SEMA6A: variants seen among roughly 807,000 people sequenced by gnomAD.
SEMA6A encodes the protein semaphorin-6A.
SEMA6A carries 25 observed loss-of-function variants against 96.8 expected under a neutral mutation model. The ratio of observed to expected loss-of-function variants is 0.26; its 90% CI spans 0.19 to 0.36. SEMA6A has a LOEUF of 0.36. Ranked by LOEUF, SEMA6A falls within the 10% of genes least tolerant of loss-of-function variation. SEMA6A has a pLI of 1.00. For synonymous variants in SEMA6A, 612 were observed against 518.0 expected, an observed-to-expected ratio of 1.18 and a Z score of -2.46; for missense variants, 1,363 against 1,323.1, an observed-to-expected ratio of 1.03 and a Z score of -0.47.
At chr5:116,532,842 G>A (rs1423575898) in intron 1 of SEMA6A, among the ~76,000 whole-genome samples, 1 of 152,134 alleles carries the variant, frequency 6.6e-6, no homozygotes, top group Non-Finnish European at 1.5e-5. Flanking sequence ...CTCTGGATGT[G>A]GTTGCTCTGA....
rs1754142802 is a variant in SEMA6A at position 116,445,803 on chromosome 5, T to C, written c.*810A>G. The C allele has an allele frequency of 6.5e-6, 1 of 152,674 alleles. No individual in the cohort carries two copies. Among genetic ancestry groups the C allele is most frequent in the African/African-American group, 2.4e-5 (1 of 41,464 alleles). 9.5% of individuals were successfully genotyped at this position (152,674 alleles called of 1,614,324 possible). A position where few individuals can be genotyped will look rare whatever the true frequency, so the allele number is the denominator to read the frequency against. On this transcript the variant is annotated 3_prime_UTR_variant, in exon 19 of 19. Coordinates refer to ENST00000343348, the MANE Select transcript of SEMA6A (RefSeq NM_020796.5). Reference sequence around the variant, plus strand: ...AAAGAAACTCAATTATTCCAGTTAATGGATTTCACGTTAAATAGTTTAACT... The same window carrying C: ...AAAGAAACTCAATTATTCCAGTTAACGGATTTCACGTTAAATAGTTTAACT...
rs779988379 is a variant in SEMA6A at position 116,477,899 on chromosome 5, A to G, written c.1596T>C (p.Tyr532=). 2.4e-5 allele frequency: 39 copies of G among 1,613,902 alleles called. No homozygotes were observed. In the Admixed American group the frequency reaches 3.7e-4, roughly 15 times the overall value. The change falls in exon 15 of 19, where the codon TAT becomes TAC. Residue 532 remains tyrosine (Y), a synonymous_variant. Coordinates refer to ENST00000343348, the MANE Select transcript of SEMA6A (RefSeq NM_020796.5). ...CACCACCTTCCTTTATCCATCCACA[A>G]TATGGGTCTCTGGAGGCAATACAGG... ...KKTCIASRDP[Y]CGWIKEGGAC...
intron 1 of SEMA6A, among the ~76,000 whole-genome samples, chr5:116,538,004 G>A (rs939147617): frequency 6.6e-5 from 10 of 152,056 alleles, no homozygotes; most frequent in East Asian, 1.9e-4. Context: ...GTGAAACCTC[G>A]TCTCTACTAA....
intron 1 of SEMA6A, among the ~76,000 whole-genome samples, chr5:116,527,940 G>A (rs531717066): frequency 6.6e-6 from 1 of 152,268 alleles, no homozygotes; most frequent in East Asian, 1.9e-4. Context: ...GAACAAAGAT[G>A]CGAATTAGAG....
intron 18 of SEMA6A, among the ~76,000 whole-genome samples, chr5:116,457,567 T>C (rs931287427): frequency 6.6e-6 from 1 of 152,156 alleles, no homozygotes; most frequent in Non-Finnish European, 1.5e-5. Context: ...ATGAATCTCT[T>C]TACAAAGATA....
intron 1 of SEMA6A, among the ~76,000 whole-genome samples, chr5:116,533,257 CT>C (rs77196415): frequency 0.14 from 19,051 of 140,738 alleles, 1,810 homozygotes; most frequent in African/African-American, 0.28. Context: ...TTTGTTTTTC[CT>C]TTTTTTTTTT....
chr5:116,454,234 C>T (rs1284102166), intron 18 of SEMA6A, among the ~76,000 whole-genome samples: 2 of 152,070 alleles, frequency 1.3e-5, no homozygotes, highest in African/African-American at 2.4e-5. Flanking sequence ...CATCACTGAG[C>T]CAGAGAGGGT....
chr5:116,503,625 C>T (rs1276868183), intron 2 of SEMA6A, among the ~76,000 whole-genome samples: 2 of 152,020 alleles, frequency 1.3e-5, no homozygotes, highest in African/African-American at 4.8e-5. Flanking sequence ...TATTCCGCTG[C>T]CTCAGCCTCC....
intron 1 of SEMA6A, among the ~76,000 whole-genome samples, chr5:116,536,866 T>TAAAAAAAAAAAAAAAAAA (rs72214884): frequency 1.7e-4 from 12 of 69,514 alleles, no homozygotes; most frequent in Admixed American, 2.1e-4. Flanking sequence ...TGTGATTTCT[T>TAAAAAAAAAAAAAAAAAA]AAAAAAAAAA....
At chr5:116,568,210 G>A (rs1000327025) in intron 1 of SEMA6A, among the ~76,000 whole-genome samples, 18 of 152,120 alleles carry the variant, frequency 1.2e-4, no homozygotes, top group African/African-American at 3.9e-4. Context: ...TCCACAATGC[G>A]TGTAATATTT....
At chr5:116,470,177 G>C (rs777309671) in intron 17 of SEMA6A, among the ~76,000 whole-genome samples, 1 of 152,000 alleles carries the variant, frequency 6.6e-6, no homozygotes, top group African/African-American at 2.4e-5. Context: ...ATTCAAAGAT[G>C]TGTTATTACC....
At chr5:116,454,915 T>G (rs968940466) in intron 18 of SEMA6A, among the ~76,000 whole-genome samples, 1 of 152,136 alleles carries the variant, frequency 6.6e-6, no homozygotes, top group Non-Finnish European at 1.5e-5. Context: ...AGTTAATGAC[T>G]GACCATGCCA....
chr5:116,573,248 T>C (rs1761308392), intron 1 of SEMA6A, among the ~76,000 whole-genome samples: 1 of 152,168 alleles, frequency 6.6e-6, no homozygotes, highest in African/African-American at 2.4e-5. Flanking sequence ...AACAGAGCCC[T>C]AGTCTGGGTT....
chr5:116,495,896 T>C (rs552036821), intron 5 of SEMA6A: 3 of 326,866 alleles, frequency 9.2e-6, no homozygotes, highest in African/African-American at 6.5e-5. Context: ...AAACCCTGCA[T>C]GTCTGCGGCA....
intron 1 of SEMA6A, among the ~76,000 whole-genome samples, chr5:116,527,736 G>T (rs1759293462): frequency 6.6e-6 from 1 of 152,120 alleles, no homozygotes; most frequent in East Asian, 1.9e-4. Context: ...AGTCTTCGTA[G>T]TCAGAGTTAA....
intron 18 of SEMA6A, 79 bp from the exon 19 acceptor site, chr5:116,447,890 A>G (rs1754353551): frequency 2.6e-6 from 3 of 1,171,946 alleles, no homozygotes; most frequent in Non-Finnish European, 2.4e-6. Context: ...TCACCTTGTT[A>G]ATTAATAACA....
intron 18 of SEMA6A, among the ~76,000 whole-genome samples, chr5:116,463,331 C>G (rs1755531758): frequency 6.6e-6 from 1 of 152,142 alleles, no homozygotes; most frequent in African/African-American, 2.4e-5. Flanking sequence ...CTACTCATCT[C>G]CCTCGGAGGA....
intron 13 of SEMA6A, 79 bp from the exon 14 acceptor site, chr5:116,478,233 G>T: frequency 6.7e-7 from 1 of 1,496,814 alleles, no homozygotes; most frequent in South Asian, 1.2e-5. Context: ...CCACTTCCCA[G>T]CCCACAAGGC....
At chr5:116,460,055 T>TA (rs1038776372) in intron 18 of SEMA6A, among the ~76,000 whole-genome samples, 4 of 150,360 alleles carry the variant, frequency 2.7e-5, no homozygotes, top group Middle Eastern at 3.2e-3. Context: ...ATGAAAATGA[T>TA]AAAAAAATAA....
Sources: gnomAD v4.1 joint callset for allele counts (sites outside exome capture counted in the v4.1 genomes callset) on GRCh38, gnomAD v4.1.1 for gene constraint, MANE v1.5 for transcripts, NCBI Gene and HGNC (gene_info 2026-07-23, HGNC 2026-07-21) for gene names.